KCND2: variants seen among roughly 807,000 people sequenced by gnomAD.
The protein encoded by KCND2 is A-type voltage-gated potassium channel KCND2.
In KCND2, 16 loss-of-function variants were observed where a neutral mutation model predicts 54.4. The observed-to-expected ratio is 0.29, with a 90% confidence interval of 0.20 to 0.45. The LOEUF is 0.45. Among genes scored for constraint, KCND2 ranks in the 20% least tolerant of loss-of-function variants. KCND2 has a pLI of 1.00. For synonymous variants in KCND2, 317 were observed against 310.7 expected, an observed-to-expected ratio of 1.02 and a Z score of -0.21; for missense variants, 486 against 824.2, an observed-to-expected ratio of 0.59 and a Z score of 5.02.
chr7:120,515,024 T>G (rs1803175724), intron 1 of KCND2, among the ~76,000 whole-genome samples: 1 of 149,942 alleles, frequency 6.7e-6, no homozygotes, highest in South Asian at 2.1e-4. Context: ...TTTAAACTTT[T>G]TCTTTCTTTG....
intron 1 of KCND2, among the ~76,000 whole-genome samples, chr7:120,528,300 C>T (rs898937397): frequency 2.0e-5 from 3 of 151,756 alleles, no homozygotes; most frequent in Admixed American, 6.6e-5. Context: ...AATGATTTAG[C>T]GTTTAGAATG....
At chr7:120,639,845 C>T (rs745494580) in intron 1 of KCND2, among the ~76,000 whole-genome samples, 18 of 151,876 alleles carry the variant, frequency 1.2e-4, no homozygotes, top group African/African-American at 3.9e-4. Flanking sequence ...TTCTATTTTC[C>T]GTGGGTAGAA....
At chr7:120,617,329 C>A (rs1039090790) in intron 1 of KCND2, among the ~76,000 whole-genome samples, 1 of 152,008 alleles carries the variant, frequency 6.6e-6, no homozygotes, top group African/African-American at 2.4e-5. Context: ...AACCAATCTA[C>A]TCCATGAACA....
chr7:120,597,184 A>G (rs1293375057), intron 1 of KCND2, among the ~76,000 whole-genome samples: 2 of 152,214 alleles, frequency 1.3e-5, no homozygotes, highest in Non-Finnish European at 2.9e-5. Context: ...GGAATTGGAA[A>G]TGAATTAGAC....
intron 1 of KCND2, among the ~76,000 whole-genome samples, chr7:120,658,286 C>T (rs1322632500): frequency 6.6e-6 from 1 of 152,186 alleles, no homozygotes; most frequent in Non-Finnish European, 1.5e-5. Flanking sequence ...AGAAAAATCT[C>T]TGCATTTGTA....
intron 1 of KCND2, among the ~76,000 whole-genome samples, chr7:120,392,997 ACT>A (rs930235291): frequency 5.9e-5 from 9 of 151,968 alleles, no homozygotes; most frequent in East Asian, 1.9e-4. Context: ...CATTGTTTCC[ACT>A]CTTTTTCTTC....
At chr7:120,286,991 G>A (rs543868520) in intron 1 of KCND2, among the ~76,000 whole-genome samples, 1 of 152,064 alleles carries the variant, frequency 6.6e-6, no homozygotes, top group Admixed American at 6.6e-5. Context: ...AAGAAAAGCA[G>A]GAAGTATAGT....
chr7:120,362,952 G>T (rs1800613684), intron 1 of KCND2, among the ~76,000 whole-genome samples: 2 of 152,028 alleles, frequency 1.3e-5, no homozygotes, highest in Admixed American at 6.6e-5. Flanking sequence ...TATAGCTGGA[G>T]AAAGGGGAAG....
chr7:120,604,177 G>T (rs929408094), intron 1 of KCND2, among the ~76,000 whole-genome samples: 2 of 152,138 alleles, frequency 1.3e-5, no homozygotes, highest in African/African-American at 4.8e-5. Flanking sequence ...GTGCAAGGAA[G>T]TCCTACCTTT....
chr7:120,353,013 A>G (rs577210880), intron 1 of KCND2, among the ~76,000 whole-genome samples: 5 of 152,156 alleles, frequency 3.3e-5, no homozygotes, highest in Admixed American at 6.6e-5. Context: ...ATAATCAGTA[A>G]TATTTATTAA....
rs894778104 is a variant in KCND2, at chr7:120,275,358, T to G, written c.726T>G (p.Val242=). 3.1e-6 allele frequency: 5 copies of G among 1,613,608 alleles called. No individual in the cohort carries two copies. Among genetic ancestry groups the G allele is most frequent in the Admixed American group, 3.3e-5 (2 of 59,984 alleles). The change falls in exon 1 of 6, where the codon GTT becomes GTG. Residue 242 remains valine (V), a synonymous_variant. Transcript: ENST00000331113. ...CGGCCTGCGTCATGATCTTCACAGT[T>G]GAGTATTTGCTTCGCCTGGCTGCAG... ...LDTACVMIFT[V]EYLLRLAAAP... is the part of the protein sequence containing the mutation.
At chr7:120,349,078 C>G (rs1005155119) in intron 1 of KCND2, among the ~76,000 whole-genome samples, 2 of 152,252 alleles carry the variant, frequency 1.3e-5, no homozygotes, top group Middle Eastern at 6.8e-3. Flanking sequence ...CCATTACACT[C>G]CATTAATATC....
chr7:120,645,342 C>T (rs1229689651), intron 1 of KCND2, among the ~76,000 whole-genome samples: 3 of 152,104 alleles, frequency 2.0e-5, no homozygotes, highest in Admixed American at 6.5e-5. Context: ...TGGCCCATGA[C>T]TAGTGGCATG....
At chr7:120,643,905 A>T (rs1366760188) in intron 1 of KCND2, among the ~76,000 whole-genome samples, 1 of 150,942 alleles carries the variant, frequency 6.6e-6, no homozygotes, top group Admixed American at 6.6e-5. Flanking sequence ...TTATATTAAT[A>T]TAATAATATT....
intron 1 of KCND2, among the ~76,000 whole-genome samples, chr7:120,519,353 A>C (rs1048355652): frequency 3.3e-5 from 5 of 152,090 alleles, no homozygotes; most frequent in Non-Finnish European, 5.9e-5. Flanking sequence ...CTCAAAAAAC[A>C]AAAACAAAAA....
At chr7:120,744,422 C>A (rs1202359333) in intron 4 of KCND2, among the ~76,000 whole-genome samples, 1 of 152,064 alleles carries the variant, frequency 6.6e-6, no homozygotes, top group East Asian at 1.9e-4. Context: ...CAGAATGACT[C>A]CTGCACTTTC....
chr7:120,547,864 C>T (rs1792062231), intron 1 of KCND2, among the ~76,000 whole-genome samples: 1 of 151,908 alleles, frequency 6.6e-6, no homozygotes, highest in Non-Finnish European at 1.5e-5. Context: ...GCTTTCTTCA[C>T]CTTTGTATGT....
intron 1 of KCND2, among the ~76,000 whole-genome samples, chr7:120,630,376 AAAAAGCCTCCTTTTTT>A (rs1793218615): frequency 6.6e-6 from 1 of 152,168 alleles, no homozygotes; most frequent in South Asian, 2.1e-4. Context: ...TCAATGTGAA[AAAAAGCCTCCTTTTTT>A]CCCCCAAACT....
intron 1 of KCND2, among the ~76,000 whole-genome samples, chr7:120,688,823 A>G (rs1392383315): frequency 6.6e-6 from 1 of 152,176 alleles, no homozygotes; most frequent in Non-Finnish European, 1.5e-5. Flanking sequence ...TGCTCTAAAG[A>G]TGTACTTTTG....
Sources: allele counts gnomAD v4.1 joint callset (sites outside exome capture counted in the v4.1 genomes callset), GRCh38; gene constraint gnomAD v4.1.1; transcripts MANE v1.5; gene names NCBI Gene and HGNC (gene_info 2026-07-23, HGNC 2026-07-21).